Variants in DSCAML1 observed in about 807,000 individuals in gnomAD.
DSCAML1 encodes cell adhesion molecule DSCAML1.
Under a neutral mutation model 200.5 loss-of-function variants are expected in DSCAML1, and 38 were observed. The ratio of observed to expected loss-of-function variants is 0.19; its 90% CI spans 0.15 to 0.25. The LOEUF (loss-of-function observed/expected upper bound fraction) is 0.25, where lower values mean the gene tolerates loss of function less well. DSCAML1 is among the 10% of genes least tolerant of loss of function. DSCAML1 has a pLI of 1.00. For synonymous variants in DSCAML1, 1,215 were observed against 1,165.0 expected, an observed-to-expected ratio of 1.04 and a Z score of -0.87; for missense variants, 2,223 against 2,858.8, an observed-to-expected ratio of 0.78 and a Z score of 5.07.
In DSCAML1 at chr11:117,589,302, G is replaced by A. The variant is rs374916054; in HGVS notation, c.512-56780C>T. Among the ~76,000 whole-genome samples, 203 of 152,320 alleles carry A rather than the reference G, an allele frequency of 1.3e-3. 1 individual carries two copies. The highest frequency in any genetic ancestry group is 3.7e-3 in the Admixed American group (56 of 15,304). On this transcript the variant is annotated intron_variant, in intron 3 of 32. Coordinates refer to ENST00000651296, the MANE Select transcript of DSCAML1 (RefSeq NM_020693.4). ...GTTGGATTCGATGCACGGGCAGCCCGTCCTCCTGTCACGCAGCTATTTATT... is the reference window on the plus strand; with the variant it reads ...GTTGGATTCGATGCACGGGCAGCCCATCCTCCTGTCACGCAGCTATTTATT...
In DSCAML1 at chr11:117,780,302, A is replaced by AAGAAAGAAAGAG; in HGVS notation, c.364+190_364+191insCTCTTTCTTTCT. Among the ~76,000 whole-genome samples, 1 of 115,192 alleles carries AAGAAAGAAAGAG rather than the reference A, an allele frequency of 8.7e-6. No individual in the cohort carries two copies. Among genetic ancestry groups the AAGAAAGAAAGAG allele is most frequent in the African/African-American group, 3.3e-5 (1 of 30,122 alleles). The allele number at this position is 115,192 out of a possible 152,430, so 75.6% of individuals were successfully genotyped here. ...AAAGAAAGAAAGAAAGAAAGAAAGA[A>AAGAAAGAAAGAG]AGAGAGAAAGGAGAAAGAAAGGTGT... is the stretch of plus-strand genomic sequence containing the variant. On this transcript the variant is annotated intron_variant, in intron 2 of 32. Coordinates refer to ENST00000651296, the MANE Select transcript of DSCAML1 (RefSeq NM_020693.4). This position sits in a 1 kb window ranked among gnomAD's most constrained non-coding sequence, Gnocchi z 4.8.
Position 117,529,343 on chromosome 11 carries a change from G to A in DSCAML1, c.658+3033C>T, listed in dbSNP as rs146497274. On this transcript the variant is annotated intron_variant, in intron 4 of 32. Coordinates refer to ENST00000651296, the MANE Select transcript of DSCAML1 (RefSeq NM_020693.4). ...GCCACCTGCTTTGGCCTCCCAAAGT[G>A]CTAGGATTACAGGCCTGAATCACCA... 9.4e-3 allele frequency among the ~76,000 whole-genome samples: 1,435 copies of A among 152,288 alleles called. 27 individuals carry two copies. Among genetic ancestry groups the A allele is most frequent in the African/African-American group, 0.033 (1,366 of 41,548 alleles).
chr11:117,704,103 A>AAAGAAGGAAGG (rs1172805665), intron 3 of DSCAML1, among the ~76,000 whole-genome samples: 2 of 150,838 alleles, frequency 1.3e-5, no homozygotes, highest in East Asian at 2.0e-4. Context: ...AGTATGAGAC[A>AAAGAAGGAAGG]AAGAAGGAAG....
chr11:117,665,659 A>G (rs1344665872), intron 3 of DSCAML1, among the ~76,000 whole-genome samples: 1 of 152,106 alleles, frequency 6.6e-6, no homozygotes, highest in Non-Finnish European at 1.5e-5. Context: ...CTGGGCCCAG[A>G]GATAGTAACT....
At chr11:117,450,813 C>T in intron 19 of DSCAML1, 125 bp from the exon 20 acceptor site, 1 of 1,187,844 alleles carries the variant, frequency 8.4e-7, no homozygotes, top group African/African-American at 1.5e-5. Flanking sequence ...CATCCTTGAG[C>T]TGTGGTTTAG....
chr11:117,773,057 T>C (rs1411317774), intron 3 of DSCAML1, among the ~76,000 whole-genome samples: 1 of 152,226 alleles, frequency 6.6e-6, no homozygotes, highest in Non-Finnish European at 1.5e-5. Context: ...AGAGTTTCCT[T>C]GGCCAGCTTC....
intron 1 of DSCAML1, among the ~76,000 whole-genome samples, chr11:117,796,608 G>A (rs1051248039): frequency 2.6e-5 from 4 of 152,240 alleles, no homozygotes; most frequent in African/African-American, 4.8e-5. Context: ...ATCAGCCGCC[G>A]AGTCCGAGGC....
chr11:117,486,767 C>G (rs59981332), intron 11 of DSCAML1, among the ~76,000 whole-genome samples: 51 of 151,788 alleles, frequency 3.4e-4, no homozygotes, highest in African/African-American at 1.2e-3. Context: ...AAGACCTGTT[C>G]TACTGAATTT....
chr11:117,695,850 C>A (rs947462545), intron 3 of DSCAML1, among the ~76,000 whole-genome samples: 2 of 152,172 alleles, frequency 1.3e-5, no homozygotes, highest in African/African-American at 4.8e-5. Context: ...GCCTCAGTTT[C>A]TTCAACTATA....
At chr11:117,629,918 T>G (rs141182805) in intron 3 of DSCAML1, among the ~76,000 whole-genome samples, 2,399 of 152,168 alleles carry the variant, frequency 0.016, 32 homozygotes, top group East Asian at 0.059. Context: ...GAGTTCAGGG[T>G]TGAGACTGCT....
intron 6 of DSCAML1, among the ~76,000 whole-genome samples, chr11:117,520,807 G>A (rs73010304): frequency 0.11 from 16,860 of 152,142 alleles, 1,241 homozygotes; most frequent in Non-Finnish European, 0.17. Context: ...GTCCCTGCCC[G>A]TAGTCACAGC....
chr11:117,667,452 G>A lies in DSCAML1; in HGVS notation c.511+109339C>T, dbSNP rs369666328. On this transcript the variant is annotated intron_variant, in intron 3 of 32. Transcript: ENST00000651296. ...GTCAACATTGGTAATGGTTCTGCCCGGGGTCTGACTAGCCCCTCACTCTCT... is the reference window on the plus strand; with the variant it reads ...GTCAACATTGGTAATGGTTCTGCCCAGGGTCTGACTAGCCCCTCACTCTCT... 8.1e-4 allele frequency among the ~76,000 whole-genome samples: 123 copies of A among 152,240 alleles called. 1 individual carries two copies. Among genetic ancestry groups the A allele is most frequent in the African/African-American group, 2.9e-3 (120 of 41,538 alleles).
At chr11:117,764,206 G>A (rs139724162) in intron 3 of DSCAML1, among the ~76,000 whole-genome samples, 416 of 152,282 alleles carry the variant, frequency 2.7e-3, no homozygotes, top group African/African-American at 9.3e-3. Flanking sequence ...ACACCAAGGC[G>A]TCTTTCTTAG....
chr11:117,447,971 C>T (rs986576077), intron 20 of DSCAML1, among the ~76,000 whole-genome samples: 2 of 152,204 alleles, frequency 1.3e-5, no homozygotes, highest in Non-Finnish European at 2.9e-5. Context: ...AGTTCAGTTT[C>T]CCCCCAACCT....
intron 3 of DSCAML1, among the ~76,000 whole-genome samples, chr11:117,618,806 C>T (rs666094): frequency 0.66 from 99,868 of 151,930 alleles, 34,093 homozygotes; most frequent in African/African-American, 0.85. Flanking sequence ...TCTCTTGCTA[C>T]GGAGGCTGTG....
intron 19 of DSCAML1, among the ~76,000 whole-genome samples, chr11:117,456,288 C>T (rs2048366514): frequency 6.6e-6 from 1 of 152,220 alleles, no homozygotes; most frequent in Non-Finnish European, 1.5e-5. Context: ...ACTGACTTAA[C>T]CAACCCTGGA....
At chr11:117,552,844 T>C (rs1012888687) in intron 3 of DSCAML1, among the ~76,000 whole-genome samples, 32 of 152,194 alleles carry the variant, frequency 2.1e-4, no homozygotes, top group Admixed American at 1.4e-3. Flanking sequence ...CTGTTCCCAG[T>C]TGACCATTCA....
intron 3 of DSCAML1, among the ~76,000 whole-genome samples, chr11:117,674,080 C>G (rs928023323): frequency 6.6e-6 from 1 of 152,226 alleles, no homozygotes; most frequent in African/African-American, 2.4e-5. Flanking sequence ...AGATTCTCCA[C>G]TGGAGGAAGC....
intron 21 of DSCAML1, among the ~76,000 whole-genome samples, chr11:117,441,570 A>G (rs193163180): frequency 1.3e-5 from 2 of 152,242 alleles, no homozygotes; most frequent in African/African-American, 2.4e-5. Context: ...AAATGCATCT[A>G]GTGCCTGGGA....
Sources: allele counts gnomAD v4.1 joint callset (sites outside exome capture counted in the v4.1 genomes callset), GRCh38; gene constraint gnomAD v4.1.1; non-coding constraint Gnocchi (gnomAD v3.1); transcripts MANE v1.5; gene names NCBI Gene and HGNC (gene_info 2026-07-23, HGNC 2026-07-21).